The following KLF16 variants were observed in gnomAD, a reference collection of about 807,000 sequenced individuals.
KLF16 encodes Krueppel-like factor 16.
A neutral mutation model predicts 6.1 loss-of-function variants in KLF16; 6 were observed. That is an observed-to-expected ratio of 0.98 (90% CI 0.54 to 1.93). KLF16 has a LOEUF of 1.93. KLF16 is among the 30% of genes most tolerant of loss of function. KLF16 has a pLI of 0.01. For missense variants in KLF16, 355 were observed against 363.8 expected (o/e 0.98, Z 0.20); for synonymous variants, 211 against 176.5 (o/e 1.20, Z -1.55).
At chr19:1,872,655 C>T in the KLF16 span, among the ~76,000 whole-genome samples, 2 of 152,280 alleles carry the variant, frequency 1.3e-5, no homozygotes, top group Admixed American at 1.3e-4. Context: ...GCTGTCTGGC[C>T]GGGCAGATGT....
chr19:1,870,629 C>G, the KLF16 span, among the ~76,000 whole-genome samples: 8 of 151,992 alleles, frequency 5.3e-5, no homozygotes, highest in African/African-American at 1.7e-4. Flanking sequence ...GAGCCATGAT[C>G]ACACCACTAC....
intron 1 of KLF16, 128 bp from the exon 2 acceptor site, chr19:1,854,888 G>C (rs1394971126): frequency 1.0e-6 from 1 of 992,236 alleles, no homozygotes; most frequent in Non-Finnish European, 1.5e-6. Context: ...GCTCTGGTGT[G>C]AGTTCAAAAC....
chr19:1,863,492 C>T lies in KLF16; in HGVS notation c.6G>A (p.Ser2=), dbSNP rs1330138157. 9.8e-7 allele frequency: 1 copy of T among 1,018,038 alleles called. No individual in the cohort carries two copies. Among genetic ancestry groups the T allele is most frequent in the South Asian group, 3.4e-5 (1 of 29,578 alleles). The allele number at this position is 1,018,038 out of a possible 1,614,324, so 63.1% of individuals were successfully genotyped here. A position where few individuals can be genotyped will look rare whatever the true frequency, so the allele number is the denominator to read the frequency against. ...AGTAATCCACGCACGCCACGGCCGC[C>T]GACATGCCGAGCAAGGGCGCGCGGC... is the stretch of plus-strand genomic sequence containing the variant. M[S]AAVACVDYFA... The change falls in exon 1 of 2, where the codon TCG becomes TCA. Residue 2 remains serine, a synonymous_variant. Coordinates refer to ENST00000250916, the MANE Select transcript of KLF16 (RefSeq NM_031918.4).
rs1424074935 is a variant in KLF16 at position 1,854,337 on chromosome 19, G to T, written c.*122C>A. On this transcript the variant is annotated 3_prime_UTR_variant, in exon 2 of 2. Transcript: ENST00000250916. ...CAGGCCCCCTCCTCACTCTCTGGAG[G>T]GGGGCAGGGGTGTCTTCAGGGTTTG... The T allele has an allele frequency of 8.2e-7, 1 of 1,218,240 alleles. No individual in the cohort carries two copies. The highest frequency in any genetic ancestry group is 1.1e-6 in the Non-Finnish European group (1 of 944,146). The allele number at this position is 1,218,240 out of a possible 1,614,324, so 75.5% of individuals were successfully genotyped here.
Position 1,863,115 on chromosome 19 carries a change from C to T in KLF16, c.383G>A (p.Arg128His), listed in dbSNP as rs2012104212. 2.2e-6 allele frequency: 3 copies of T among 1,362,552 alleles called. No individual in the cohort carries two copies. The highest frequency in any genetic ancestry group is 1.5e-5 in the South Asian group (1 of 66,570). The allele number at this position is 1,362,552 out of a possible 1,614,324, so 84.4% of individuals were successfully genotyped here. Residue 128 changes from arginine (R) to histidine (H), a missense_variant, in exon 1 of 2, where the codon CGC becomes CAC. Arg to His is a conservative substitution (Grantham distance 29). Coordinates refer to ENST00000250916, the MANE Select transcript of KLF16 (RefSeq NM_031918.4). Reference sequence around the variant, plus strand: ...TTTGGCGCAGTCCGGGAAGGGACAGCGGTGGCTCTTGGCGGCGGCGGAGGG... The same window carrying T: ...TTTGGCGCAGTCCGGGAAGGGACAGTGGTGGCTCTTGGCGGCGGCGGAGGG... ...AAPSAAAKSHRCPFPDCAKAY... is the reference protein window; with the variant it reads ...AAPSAAAKSHHCPFPDCAKAY...
At position 1,852,959 on chromosome 19, in the gene KLF16, A is replaced by G. The variant is rs935367404; in HGVS notation, c.*1500T>C. The G allele has an allele frequency of 6.6e-6, 1 of 152,230 alleles. No individual in the cohort carries two copies. Among genetic ancestry groups the G allele is most frequent in the Admixed American group, 6.5e-5 (1 of 15,282 alleles). The allele number at this position is 152,230 out of a possible 1,614,324, so 9.4% of individuals were successfully genotyped here. On this transcript the variant is annotated 3_prime_UTR_variant, in exon 2 of 2. Coordinates refer to ENST00000250916, the MANE Select transcript of KLF16 (RefSeq NM_031918.4). Reference sequence around the variant, plus strand: ...TCCAAAGCCCCCCTGTCCCCAAGCGAGAGGCAGGACGGTTCTGGAACAAAA... The same window carrying G: ...TCCAAAGCCCCCCTGTCCCCAAGCGGGAGGCAGGACGGTTCTGGAACAAAA...
intron 1 of KLF16, among the ~76,000 whole-genome samples, chr19:1,859,505 C>T (rs2012020180): frequency 6.6e-6 from 1 of 152,108 alleles, no homozygotes; most frequent in Non-Finnish European, 1.5e-5. Flanking sequence ...CCCCAGCGTC[C>T]CCACCCTCGG....
chr19:1,861,011 G>A (rs1299829264), intron 1 of KLF16, among the ~76,000 whole-genome samples: 1 of 152,084 alleles, frequency 6.6e-6, no homozygotes, highest in Non-Finnish European at 1.5e-5. Context: ...CACCACACAG[G>A]GTAGACGGTG....
At position 1,863,437 on chromosome 19, in the gene KLF16, A is replaced by C. The variant is rs948397184; in HGVS notation, c.61T>G (p.Ser21Ala). 125 of 1,042,646 alleles carry C rather than the reference A, an allele frequency of 1.2e-4. No homozygotes were observed. The highest frequency in any genetic ancestry group is 1.3e-4 in the South Asian group (5 of 37,682). 64.6% of individuals were successfully genotyped at this position (1,042,646 alleles called of 1,614,324 possible). A position where few individuals can be genotyped will look rare whatever the true frequency, so the allele number is the denominator to read the frequency against. The change falls in exon 1 of 2, where the codon TCG (serine) becomes GCG (alanine). Residue 21 changes from serine to alanine, a missense_variant. By Grantham distance (99) the Ser-to-Ala change is moderately conservative. Coordinates refer to ENST00000250916, the MANE Select transcript of KLF16 (RefSeq NM_031918.4). Reference protein sequence around the residue: ...FAADVLMAISSGAVVHRGRPG... With the variant: ...FAADVLMAISAGAVVHRGRPG... ...CGCCCGCGGTGCACCACGGCGCCCG[A>C]AGAGATGGCCATGAGCACGTCGGCG... is the stretch of plus-strand genomic sequence containing the variant.
upstream of KLF16, among the ~76,000 whole-genome samples, chr19:1,864,323 C>T (rs368183418): frequency 2.7e-4 from 41 of 152,288 alleles, no homozygotes; most frequent in African/African-American, 9.9e-4. Context: ...GCTTTGACCC[C>T]GCACTCAGGC....
rs2011881666 is a variant in KLF16 at position 1,853,584 on chromosome 19, CAA to C, written c.*873_*874del. 6.6e-6 allele frequency: 1 copy of C among 152,560 alleles called. No individual in the cohort carries two copies. The highest frequency in any genetic ancestry group is 2.1e-4 in the South Asian group (1 of 4,838). The allele number at this position is 152,560 out of a possible 1,614,324, so 9.5% of individuals were successfully genotyped here. A position where few individuals can be genotyped will look rare whatever the true frequency, so the allele number is the denominator to read the frequency against. ...GATTGTCACGTGATACCGCAACGGC[CAA>C]AGTCAGCAAGGCAGGGACTGGAGGC... is the stretch of plus-strand genomic sequence containing the variant. On this transcript the variant is annotated 3_prime_UTR_variant, in exon 2 of 2. Coordinates refer to ENST00000250916, the MANE Select transcript of KLF16 (RefSeq NM_031918.4).
At chr19:1,872,545 G>C in the KLF16 span, among the ~76,000 whole-genome samples, 26 of 152,326 alleles carry the variant, frequency 1.7e-4, no homozygotes, top group African/African-American at 6.0e-4. Flanking sequence ...TCCCAGAGTC[G>C]CGCTCTTATC....
intron 1 of KLF16, among the ~76,000 whole-genome samples, chr19:1,862,472 G>A (rs2012085555): frequency 2.0e-5 from 3 of 151,780 alleles, no homozygotes; most frequent in Admixed American, 1.3e-4. Context: ...TCCTAGCCTC[G>A]CCCTCCCCCT....
At chr19:1,866,834 CTG>C (rs1414395532), upstream of KLF16, among the ~76,000 whole-genome samples, 2 of 150,270 alleles carry the variant, frequency 1.3e-5, no homozygotes, top group Non-Finnish European at 3.0e-5. Context: ...AAAATCAAGA[CTG>C]GGAGAGGACC....
At chr19:1,858,437 G>A (rs750005580) in intron 1 of KLF16, among the ~76,000 whole-genome samples, 6 of 152,246 alleles carry the variant, frequency 3.9e-5, no homozygotes, top group Non-Finnish European at 8.8e-5. Context: ...TTCCAAAAAC[G>A]CATGCATCTT....
upstream of KLF16, among the ~76,000 whole-genome samples, chr19:1,865,360 C>T (rs2012171126): frequency 6.6e-6 from 1 of 151,930 alleles, no homozygotes; most frequent in Non-Finnish European, 1.5e-5. Flanking sequence ...GGGCAGGTCC[C>T]CCAGGTCCCC....
upstream of KLF16, among the ~76,000 whole-genome samples, chr19:1,866,273 C>T (rs147787687): frequency 7.6e-4 from 113 of 149,250 alleles, 1 homozygote; most frequent in East Asian, 0.021. Context: ...GAACATTGTA[C>T]TTCAACCTGG....
the KLF16 span, among the ~76,000 whole-genome samples, chr19:1,872,201 G>A: frequency 6.6e-6 from 1 of 152,134 alleles, no homozygotes; most frequent in Non-Finnish European, 1.5e-5. Flanking sequence ...TGCAATCTTG[G>A]CTCACTGCAA....
chr19:1,866,428 T>C (rs10411032), upstream of KLF16, among the ~76,000 whole-genome samples: 43,912 of 151,182 alleles, frequency 0.29, 7,615 homozygotes, highest in African/African-American at 0.48. Context: ...CTGACCAATA[T>C]GAAGAAACCC....
Sources: gnomAD v4.1 joint callset for allele counts (sites outside exome capture counted in the v4.1 genomes callset) on GRCh38, gnomAD v4.1.1 for gene constraint, MANE v1.5 for transcripts, NCBI Gene and HGNC (gene_info 2026-07-23, HGNC 2026-07-21) for gene names.